The following KRIT1 variants were observed in gnomAD, a reference collection of about 807,000 sequenced individuals.
KRIT1 encodes KRIT1 ankyrin repeat containing.
Under a neutral mutation model 95.8 loss-of-function variants are expected in KRIT1, and 45 were observed. That is an observed-to-expected ratio of 0.47 (90% CI 0.37 to 0.60). The LOEUF (loss-of-function observed/expected upper bound fraction) is 0.60. KRIT1 is among the 20% of genes least tolerant of loss of function. The pLI is 0.00. For synonymous variants in KRIT1, 282 were observed against 278.8 expected, an observed-to-expected ratio of 1.01 and a Z score of -0.11; for missense variants, 788 against 877.5, an observed-to-expected ratio of 0.90 and a Z score of 1.29.
At chr7:92,203,195 T>C (rs935426616) in intron 17 of KRIT1, among the ~76,000 whole-genome samples, 1 of 152,250 alleles carries the variant, frequency 6.6e-6, no homozygotes, top group African/African-American at 2.4e-5. Context: ...GTATCCCATG[T>C]AGTGTTTTAA....
At chr7:92,231,388 A>G (rs547146624) in intron 10 of KRIT1, among the ~76,000 whole-genome samples, 8 of 152,142 alleles carry the variant, frequency 5.3e-5, no homozygotes, top group African/African-American at 1.9e-4. Flanking sequence ...TCTATTTCTA[A>G]TATCTTAACA....
chr7:92,201,424 C>G lies in KRIT1; in HGVS notation c.2026-1G>C. ...CATACTTAAGACTGATGAGTAAAGC[C>G]TGCAACATAATTGGAAACAACTATA... On this transcript the variant is annotated splice_acceptor_variant, in intron 17 of 18. Coordinates refer to ENST00000394505, the MANE Select transcript of KRIT1 (RefSeq NM_194454.3). LOFTEE classifies it high-confidence loss of function. 1 of 1,385,154 alleles carries G rather than the reference C, an allele frequency of 7.2e-7. No homozygotes were observed. Among genetic ancestry groups the G allele is most frequent in the Non-Finnish European group, 1.0e-6 (1 of 971,526 alleles). The allele number at this position is 1,385,154 out of a possible 1,614,324, so 85.8% of individuals were successfully genotyped here. A position where few individuals can be genotyped will look rare whatever the true frequency, so the allele number is the denominator to read the frequency against.
chr7:92,237,972 C>G (rs929612466), intron 5 of KRIT1, among the ~76,000 whole-genome samples: 6 of 152,050 alleles, frequency 3.9e-5, no homozygotes, highest in Admixed American at 3.9e-4. Context: ...GGTCTTGACC[C>G]CTAGAAGAGA....
intron 5 of KRIT1, 137 bp downstream of exon 5, chr7:92,240,856 A>T: frequency 1.4e-6 from 1 of 738,192 alleles, no homozygotes; most frequent in Non-Finnish European, 2.3e-6. Context: ...ACCTTAAAAA[A>T]CACTTGAGTT....
chr7:92,225,947 A>T (rs1218281409), intron 11 of KRIT1, 120 bp from the exon 12 acceptor site: 1 of 658,552 alleles, frequency 1.5e-6, no homozygotes, highest in Non-Finnish European at 2.7e-6. Flanking sequence ...TACTAAAGTA[A>T]ATATTAACCA....
At chr7:92,225,494 G>A (rs1796027799) in intron 12 of KRIT1, among the ~76,000 whole-genome samples, 1 of 151,994 alleles carries the variant, frequency 6.6e-6, no homozygotes, top group Non-Finnish European at 1.5e-5. Context: ...TTTTCATAGA[G>A]ATGGGGTTTC....
At chr7:92,239,945 G>A (rs1042176506) in intron 5 of KRIT1, among the ~76,000 whole-genome samples, 2 of 151,866 alleles carry the variant, frequency 1.3e-5, no homozygotes, top group Admixed American at 6.6e-5. Context: ...TCCTGACCTC[G>A]TGATCCACCC....
intron 5 of KRIT1, among the ~76,000 whole-genome samples, chr7:92,238,538 T>G (rs943497402): frequency 1.3e-5 from 2 of 152,170 alleles, no homozygotes; most frequent in Non-Finnish European, 2.9e-5. Context: ...AGCCTCCAAT[T>G]ATTTTACAAA....
chr7:92,231,249 G>C (rs942564611), intron 10 of KRIT1, among the ~76,000 whole-genome samples: 8 of 152,086 alleles, frequency 5.3e-5, no homozygotes, highest in African/African-American at 1.9e-4. Context: ...ATTCTAGAAA[G>C]TAAAGAATGG....
At chr7:92,214,963 T>G (rs975586130) in intron 14 of KRIT1, among the ~76,000 whole-genome samples, 186 bp from the exon 15 acceptor site, 3 of 152,186 alleles carry the variant, frequency 2.0e-5, no homozygotes, top group African/African-American at 7.2e-5. Flanking sequence ...GTAAGCTATA[T>G]AATCGCTGTT....
intron 14 of KRIT1, among the ~76,000 whole-genome samples, chr7:92,219,080 C>T (rs1254142474): frequency 6.6e-6 from 1 of 152,026 alleles, no homozygotes; most frequent in African/African-American, 2.4e-5. Flanking sequence ...GGCTCACTGC[C>T]CCCTCCACCT....
At chr7:92,235,192 A>C (rs1344083775) in intron 8 of KRIT1, among the ~76,000 whole-genome samples, 1 of 151,830 alleles carries the variant, frequency 6.6e-6, no homozygotes, top group East Asian at 1.9e-4. Flanking sequence ...TAGAGACGAG[A>C]TTTCACCATG....
chr7:92,212,188 T>G (rs1338325304), intron 17 of KRIT1, among the ~76,000 whole-genome samples: 1 of 152,190 alleles, frequency 6.6e-6, no homozygotes, highest in East Asian at 1.9e-4. Context: ...CTAGTGGATA[T>G]TCAATCCCTT....
intron 10 of KRIT1, among the ~76,000 whole-genome samples, chr7:92,231,513 T>G (rs188726749): frequency 6.6e-6 from 1 of 152,238 alleles, no homozygotes; most frequent in Admixed American, 6.5e-5. Flanking sequence ...AACCCTCATT[T>G]TAAAGGTGAG....
At chr7:92,215,416 T>A (rs1793749842) in intron 14 of KRIT1, among the ~76,000 whole-genome samples, 1 of 152,188 alleles carries the variant, frequency 6.6e-6, no homozygotes, top group Non-Finnish European at 1.5e-5. Context: ...CATTTTAAAT[T>A]TTGACTAAAA....
intron 11 of KRIT1, 31 bp from the exon 12 acceptor site, chr7:92,225,858 G>A (rs538081597): frequency 2.1e-5 from 23 of 1,111,042 alleles, no homozygotes; most frequent in Non-Finnish European, 2.9e-5. Flanking sequence ...GGGGAAAAAA[G>A]GCATTACATA....
intron 5 of KRIT1, 41 bp from the exon 6 acceptor site, chr7:92,237,800 C>G: frequency 1.0e-6 from 1 of 980,950 alleles, no homozygotes; most frequent in Non-Finnish European, 1.6e-6. Flanking sequence ...AAATAATACA[C>G]TTTTAAATCT....
In KRIT1 at chr7:92,235,651, C is replaced by T; in HGVS notation, c.486-5G>A. The T allele has an allele frequency of 6.2e-7, 1 of 1,612,492 alleles. No homozygotes were observed. Among genetic ancestry groups the T allele is most frequent in the South Asian group, 1.1e-5 (1 of 90,934 alleles). ...GCATGACGTTCATCTAACCACCTGG[C>T]AAAATAAAAAAACAGGTAGAAGTAG... On this transcript the variant is annotated splice_region_variant and splice_polypyrimidine_tract_variant and intron_variant, in intron 7 of 18. Transcript: ENST00000394505.
intron 12 of KRIT1, among the ~76,000 whole-genome samples, chr7:92,223,532 T>A (rs1182539759): frequency 6.6e-6 from 1 of 152,054 alleles, no homozygotes; most frequent in African/African-American, 2.4e-5. Context: ...TTTAGTAAAC[T>A]AAGGAGAATG....
Sources: gnomAD v4.1 joint callset for allele counts (sites outside exome capture counted in the v4.1 genomes callset) on GRCh38, gnomAD v4.1.1 for gene constraint, MANE v1.5 for transcripts, NCBI Gene and HGNC (gene_info 2026-07-23, HGNC 2026-07-21) for gene names.